Variants in PTPN3 observed in about 807,000 individuals in gnomAD.
PTPN3 encodes the protein protein tyrosine phosphatase non-receptor type 3.
A neutral mutation model predicts 132.7 loss-of-function variants in PTPN3; 96 were observed. The ratio of observed to expected loss-of-function variants is 0.72; its 90% CI spans 0.61 to 0.86. The LOEUF is 0.86. PTPN3 is among the 40% of genes least tolerant of loss of function. The pLI is 0.00. For missense variants in PTPN3, 1,125 were observed against 1,159.6 expected (o/e 0.97, Z 0.43); for synonymous variants, 398 against 429.0 (o/e 0.93, Z 0.89).
At chr9:109,413,866 T>C (rs10120104) in intron 14 of PTPN3, among the ~76,000 whole-genome samples, 207 of 151,826 alleles carry the variant, frequency 1.4e-3, no homozygotes, top group African/African-American at 4.8e-3. Flanking sequence ...AACACTCCCA[T>C]GAAAGAGACA....
chr9:109,389,486 T>A, intron 21 of PTPN3, 107 bp from the exon 22 acceptor site: 2 of 1,159,522 alleles, frequency 1.7e-6, no homozygotes, highest in Non-Finnish European at 2.4e-6. Context: ...CCAGAAAAAT[T>A]ATCTCTTTAT....
chr9:109,527,348 C>G, the PTPN3 span, among the ~76,000 whole-genome samples: 1 of 152,188 alleles, frequency 6.6e-6, no homozygotes, highest in African/African-American at 2.4e-5. Context: ...GTAATCCCGG[C>G]TACTTGGGAG....
chr9:109,515,941 T>A, the PTPN3 span, among the ~76,000 whole-genome samples: 1 of 152,194 alleles, frequency 6.6e-6, no homozygotes, highest in Non-Finnish European at 1.5e-5. Flanking sequence ...GTATCCAAAC[T>A]GTATCACTAA....
At chr9:109,429,332 G>A (rs559884111) in intron 10 of PTPN3, among the ~76,000 whole-genome samples, 140 of 152,194 alleles carry the variant, frequency 9.2e-4, no homozygotes, top group African/African-American at 3.2e-3. Context: ...CCTGCACCCC[G>A]GTCTCAGCTG....
intron 19 of PTPN3, among the ~76,000 whole-genome samples, chr9:109,399,582 G>A (rs1840893116): frequency 6.6e-6 from 1 of 151,536 alleles, no homozygotes; most frequent in African/African-American, 2.4e-5. Context: ...GGGACCAAAT[G>A]CTTTCTGGAA....
chr9:109,455,728 T>C (rs1437657988), intron 4 of PTPN3, among the ~76,000 whole-genome samples: 1 of 152,236 alleles, frequency 6.6e-6, no homozygotes, highest in South Asian at 2.1e-4. Flanking sequence ...TTTTTCTTTC[T>C]GGCTGTCCCC....
intron 22 of PTPN3, among the ~76,000 whole-genome samples, chr9:109,388,290 A>G (rs1421395772): frequency 6.6e-6 from 1 of 152,202 alleles, no homozygotes; most frequent in Admixed American, 6.5e-5. Context: ...GAGGGAGGAA[A>G]CATGCACCCT....
Position 109,389,240 on chromosome 9 carries a change from C to T in PTPN3, c.2246G>A (p.Arg749Gln), listed in dbSNP as rs776311554. The part of the protein sequence containing the change: ...LIVMLTTLTE[R>Q]GRTKCHQYWP... ...AGAAATCAAGCTACTTACCCGCCCT[C>T]GTTCTGTGAGAGTCGTCAACATGAC... Residue 749 changes from arginine to glutamine, a missense_variant, in exon 22 of 26, where the codon CGA (arginine) becomes CAA (glutamine). By Grantham distance (43) the Arg-to-Gln change is conservative. Transcript: ENST00000374541. 1.1e-5 allele frequency: 18 copies of T among 1,614,006 alleles called. No homozygotes were observed. The highest frequency in any genetic ancestry group is 1.6e-4 in the Middle Eastern group (1 of 6,084).
chr9:109,388,351 T>A (rs1337991934), intron 22 of PTPN3, among the ~76,000 whole-genome samples: 2 of 152,082 alleles, frequency 1.3e-5, no homozygotes, highest in African/African-American at 4.8e-5. Context: ...GGAGGTTAAG[T>A]TCCAGGGCCA....
intron 1 of PTPN3, among the ~76,000 whole-genome samples, chr9:109,493,349 T>C (rs904707627): frequency 7.2e-5 from 11 of 152,254 alleles, no homozygotes; most frequent in Non-Finnish European, 1.6e-4. Flanking sequence ...CTCAGTTTTC[T>C]CACCCCCTCT....
intron 1 of PTPN3, among the ~76,000 whole-genome samples, chr9:109,476,016 C>T (rs143934797): frequency 6.2e-4 from 94 of 152,276 alleles, no homozygotes; most frequent in African/African-American, 2.1e-3. Context: ...AGGTGACTCG[C>T]GAAGTCACTA....
intron 19 of PTPN3, among the ~76,000 whole-genome samples, chr9:109,399,140 G>A (rs1840843982): frequency 6.6e-6 from 1 of 152,186 alleles, no homozygotes; most frequent in African/African-American, 2.4e-5. Context: ...GCAATGGCGA[G>A]TTGCCGACAA....
At position 109,423,438 on chromosome 9, in the gene PTPN3, C is replaced by G. The variant is rs142337263; in HGVS notation, c.1002-586G>C. On this transcript the variant is annotated intron_variant, in intron 12 of 25. Coordinates refer to ENST00000374541, the MANE Select transcript of PTPN3 (RefSeq NM_002829.4). ...TGGCCAACATGGCAAAACCCTACCTCTACTAAAAATACAAAAAATTAGCCA... is the reference window on the plus strand; with the variant it reads ...TGGCCAACATGGCAAAACCCTACCTGTACTAAAAATACAAAAAATTAGCCA... Among the ~76,000 whole-genome samples the G allele has an allele frequency of 6.0e-3, 918 of 152,270 alleles. 10 individuals are homozygous for G. Among genetic ancestry groups the G allele is most frequent in the African/African-American group, 0.02 (849 of 41,556 alleles).
intron 14 of PTPN3, among the ~76,000 whole-genome samples, chr9:109,414,318 G>A (rs377741301): frequency 4.6e-5 from 7 of 152,208 alleles, no homozygotes; most frequent in Admixed American, 2.6e-4. Flanking sequence ...AGTATGATTC[G>A]GCAGGCCTGT....
intron 8 of PTPN3, among the ~76,000 whole-genome samples, chr9:109,437,687 T>C (rs1844155695): frequency 6.6e-6 from 1 of 152,178 alleles, no homozygotes; most frequent in Admixed American, 6.5e-5. Flanking sequence ...GCACTTTTCA[T>C]GAACTGAACA....
chr9:109,485,817 C>G (rs940539236), intron 1 of PTPN3, among the ~76,000 whole-genome samples: 5 of 152,206 alleles, frequency 3.3e-5, no homozygotes, highest in African/African-American at 9.6e-5. Context: ...AAAGGAAAAA[C>G]ATTCTCAAGA....
intron 1 of PTPN3, among the ~76,000 whole-genome samples, chr9:109,471,118 G>A (rs545999178): frequency 3.2e-4 from 49 of 150,896 alleles, no homozygotes; most frequent in Non-Finnish European, 5.7e-4. Flanking sequence ...GTGCAGTGGC[G>A]CAATCTCAGC....
intron 19 of PTPN3, among the ~76,000 whole-genome samples, chr9:109,403,211 G>A (rs1352513873): frequency 6.6e-6 from 1 of 152,156 alleles, no homozygotes; most frequent in Non-Finnish European, 1.5e-5. Context: ...GTTTTCACAT[G>A]CATCATAAAA....
At chr9:109,455,950 T>TG (rs1206102685) in intron 4 of PTPN3, among the ~76,000 whole-genome samples, 1 of 152,174 alleles carries the variant, frequency 6.6e-6, no homozygotes, top group East Asian at 1.9e-4. Context: ...ATGCCTTGTG[T>TG]GGACTCATTC....
Sources: gnomAD v4.1 joint callset for allele counts (sites outside exome capture counted in the v4.1 genomes callset) on GRCh38, gnomAD v4.1.1 for gene constraint, MANE v1.5 for transcripts, NCBI Gene and HGNC (gene_info 2026-07-23, HGNC 2026-07-21) for gene names.